Variants in HNF1B observed in about 807,000 individuals in gnomAD.
HNF1B encodes the protein HNF1 homeobox B.
A neutral mutation model predicts 61.7 loss-of-function variants in HNF1B; 8 were observed. That is an observed-to-expected ratio of 0.13 (90% confidence interval 0.08 to 0.23). HNF1B has a LOEUF of 0.23. Among genes scored for constraint, HNF1B ranks in the 10% least tolerant of loss-of-function variants. The probability of loss-of-function intolerance (pLI) is 1.00; values close to 1 mark genes in which losing one functional copy is unlikely to be tolerated. For synonymous variants in HNF1B, 314 were observed against 287.7 expected (o/e 1.09, Z -0.93); for missense variants, 562 against 714.5 (o/e 0.79, Z 2.43).
chr17:37,720,961 C>T, intron 4 of HNF1B: 1 of 985,304 alleles, frequency 1.0e-6, no homozygotes, highest in Non-Finnish European at 1.2e-6. Context: ...ATAAATTAAG[C>T]ACTTTTGTGC....
intron 5 of HNF1B, among the ~76,000 whole-genome samples, chr17:37,708,380 A>G (rs745869386): frequency 2.6e-5 from 4 of 152,198 alleles, no homozygotes; most frequent in African/African-American, 4.8e-5. Flanking sequence ...TCAATCATCA[A>G]TCCAGTAACA....
At chr17:37,691,558 C>T (rs2032205563) in intron 8 of HNF1B, among the ~76,000 whole-genome samples, 1 of 152,138 alleles carries the variant, frequency 6.6e-6, no homozygotes, top group Non-Finnish European at 1.5e-5. Context: ...AAGAGTGACC[C>T]AGCTTCCATG....
At chr17:37,694,449 C>CCG (rs1555819958) in intron 8 of HNF1B, among the ~76,000 whole-genome samples, 1 of 72,858 alleles carries the variant, frequency 1.4e-5, no homozygotes, top group Non-Finnish European at 3.4e-5. Flanking sequence ...CCCCCCCCCC[C>CCG]CCCCGCAAAA....
intron 4 of HNF1B, among the ~76,000 whole-genome samples, chr17:37,727,895 T>C (rs772725474): frequency 1.6e-4 from 25 of 151,894 alleles, no homozygotes; most frequent in Non-Finnish European, 2.9e-4. Context: ...GGAGAGTGGG[T>C]GTGGAGGGAT....
intron 2 of HNF1B, among the ~76,000 whole-genome samples, chr17:37,735,506 A>G (rs1211960874): frequency 6.6e-6 from 1 of 152,174 alleles, no homozygotes; most frequent in Non-Finnish European, 1.5e-5. Context: ...GAGGATTCTT[A>G]GGCCACCTTA....
intron 1 of HNF1B, among the ~76,000 whole-genome samples, chr17:37,742,636 G>T (rs973949111): frequency 6.6e-6 from 1 of 152,088 alleles, no homozygotes; most frequent in African/African-American, 2.4e-5. Context: ...CTCCAACTCG[G>T]CGAGGGTCTC....
chr17:37,711,645 C>T (rs2032939375), intron 4 of HNF1B, among the ~76,000 whole-genome samples: 1 of 152,210 alleles, frequency 6.6e-6, no homozygotes, highest in African/African-American at 2.4e-5. Context: ...GTTGGGGGTA[C>T]ATGGGGCATC....
intron 4 of HNF1B, among the ~76,000 whole-genome samples, chr17:37,727,612 G>C (rs2033542425): frequency 6.6e-6 from 1 of 152,230 alleles, no homozygotes; most frequent in African/African-American, 2.4e-5. Flanking sequence ...TGCTGACAGT[G>C]TGTTTGTAGG....
chr17:37,696,929 C>A (rs2032405164), intron 8 of HNF1B, among the ~76,000 whole-genome samples: 2 of 152,208 alleles, frequency 1.3e-5, no homozygotes, highest in Non-Finnish European at 2.9e-5. Context: ...TCCTCCTTCT[C>A]TTTCAACTTG....
chr17:37,689,278 C>T (rs1185581984), intron 8 of HNF1B, among the ~76,000 whole-genome samples: 2 of 152,134 alleles, frequency 1.3e-5, no homozygotes, highest in East Asian at 1.9e-4. Context: ...CTCTTCCTCC[C>T]CTGGCCCACC....
At chr17:37,731,300 A>G (rs1437878192) in intron 4 of HNF1B, 2 of 558,850 alleles carry the variant, frequency 3.6e-6, no homozygotes, top group Admixed American at 2.9e-5. Flanking sequence ...TCAGTGTAGA[A>G]TGACCGCTGA....
chr17:37,705,137 GGCATGACTA>G, intron 5 of HNF1B, 88 bp from the exon 6 acceptor site: 1 of 1,316,876 alleles, frequency 7.6e-7, no homozygotes, highest in Non-Finnish European at 1.1e-6. Flanking sequence ...GCGATTCCTT[GGCATGACTA>G]GTTCTCAAAT....
intron 4 of HNF1B, 83 bp from the exon 5 acceptor site, chr17:37,710,746 G>T: frequency 7.2e-7 from 1 of 1,396,350 alleles, no homozygotes; most frequent in Non-Finnish European, 1.0e-6. Flanking sequence ...TGTTTTCAAG[G>T]GTGGGTAATA....
intron 6 of HNF1B, 148 bp from the exon 7 acceptor site, chr17:37,701,325 C>A: frequency 1.3e-6 from 1 of 774,442 alleles, no homozygotes; most frequent in Non-Finnish European, 2.2e-6. Context: ...TGTAAAGAAA[C>A]GGAGACTTGG....
At chr17:37,690,203 A>T (rs1280946313) in intron 8 of HNF1B, among the ~76,000 whole-genome samples, 1 of 152,206 alleles carries the variant, frequency 6.6e-6, no homozygotes, top group Non-Finnish European at 1.5e-5. Context: ...GTAAAAATGC[A>T]CAGAAAAAAA....
rs778161185 is a variant in HNF1B at position 37,733,802 on chromosome 17, C to G, written c.564G>C (p.Gln188His). ...TTTTGTCTGTCATATTTCCAGAACT[C>G]TGGACTGTCTGGTTGAATTCTGAAA... ...EILRQFNQTV[Q>H]SSGNMTDKSS... Residue 188 changes from glutamine (Q) to histidine (H), a missense_variant, in exon 3 of 9, where the codon CAG (glutamine) becomes CAC (histidine). By Grantham distance (24) the Gln-to-His change is conservative. Transcript: ENST00000617811. The G allele has an allele frequency of 1.9e-6, 3 of 1,614,202 alleles. No individual in the cohort carries two copies. Among genetic ancestry groups the G allele is most frequent in the Non-Finnish European group, 2.5e-6 (3 of 1,180,044 alleles).
intron 4 of HNF1B, among the ~76,000 whole-genome samples, chr17:37,723,748 A>T (rs2033401363): frequency 6.6e-6 from 1 of 152,198 alleles, no homozygotes; most frequent in Non-Finnish European, 1.5e-5. Context: ...CTAAAAAAAC[A>T]AAAAAACAAA....
chr17:37,736,397 A>C (rs998052361), intron 2 of HNF1B, among the ~76,000 whole-genome samples: 2 of 152,216 alleles, frequency 1.3e-5, no homozygotes, highest in African/African-American at 4.8e-5. Flanking sequence ...ATATTCCTTC[A>C]TCTAATTCTT....
At chr17:37,723,527 A>G (rs942128689) in intron 4 of HNF1B, among the ~76,000 whole-genome samples, 2 of 152,138 alleles carry the variant, frequency 1.3e-5, no homozygotes, top group Non-Finnish European at 2.9e-5. Context: ...CTGAATTTGT[A>G]CTAAATGCCT....
Sources: gnomAD v4.1 joint callset for allele counts (sites outside exome capture counted in the v4.1 genomes callset) on GRCh38, gnomAD v4.1.1 for gene constraint, MANE v1.5 for transcripts, NCBI Gene and HGNC (gene_info 2026-07-23, HGNC 2026-07-21) for gene names.